CADPS: variants seen among roughly 807,000 people sequenced by gnomAD.
The protein encoded by CADPS is calcium dependent secretion activator.
In CADPS, 57 loss-of-function variants were observed where a neutral mutation model predicts 167.3. The ratio of observed to expected loss-of-function variants is 0.34; its 90% CI spans 0.28 to 0.42. The LOEUF is 0.42. Among genes scored for constraint, CADPS ranks in the 20% least tolerant of loss-of-function variants. The pLI is 1.00. For missense variants in CADPS, 1,414 were observed against 1,738.1 expected (o/e 0.81, Z 3.32); for synonymous variants, 676 against 635.3 (o/e 1.06, Z -0.96).
At chr3:62,593,392 G>T (rs1266691719) in intron 6 of CADPS, among the ~76,000 whole-genome samples, 1 of 152,226 alleles carries the variant, frequency 6.6e-6, no homozygotes, top group Non-Finnish European at 1.5e-5. Flanking sequence ...CCCAAAATCT[G>T]GGTAGAGCAC....
At chr3:62,858,923 T>TA (rs1248536056) in intron 1 of CADPS, among the ~76,000 whole-genome samples, 3 of 152,174 alleles carry the variant, frequency 2.0e-5, no homozygotes, top group African/African-American at 4.8e-5. Flanking sequence ...TTTGGATTTT[T>TA]AAAAAAACTT....
At chr3:62,865,154 TTAAACAACTCTATGCC>T (rs1301399174) in intron 1 of CADPS, among the ~76,000 whole-genome samples, 3 of 152,194 alleles carry the variant, frequency 2.0e-5, no homozygotes, top group Non-Finnish European at 4.4e-5. Context: ...ACTCATTTGC[TTAAACAACTCTATGCC>T]TACCATCCTC....
At chr3:62,830,987 A>C (rs1577020563) in intron 1 of CADPS, among the ~76,000 whole-genome samples, 1 of 152,166 alleles carries the variant, frequency 6.6e-6, no homozygotes, top group Non-Finnish European at 1.5e-5. Flanking sequence ...TGTCAAAATT[A>C]TTCCATTTCC....
Position 62,481,888 on chromosome 3 carries a change from G to A in CADPS, c.3027-19C>T. The stretch of plus-strand genomic sequence containing the variant: ...TAAACTCCTGTGGAAGAAACAGACA[G>A]AAAGAAAAAATACCATCACAGTGAC... On this transcript the variant is annotated intron_variant, in intron 21 of 29. Transcript: ENST00000383710. 1.3e-6 allele frequency: 2 copies of A among 1,597,576 alleles called. No individual in the cohort carries two copies. The highest frequency in any genetic ancestry group is 1.8e-5 in the Admixed American group (1 of 56,144).
At chr3:62,721,340 A>G (rs937545005) in intron 3 of CADPS, among the ~76,000 whole-genome samples, 12 of 151,958 alleles carry the variant, frequency 7.9e-5, no homozygotes, top group Non-Finnish European at 1.3e-4. Flanking sequence ...CCAGGGGGGC[A>G]TTTTAGCCAG....
chr3:62,577,255 C>G (rs908362223), intron 8 of CADPS, among the ~76,000 whole-genome samples: 1 of 152,078 alleles, frequency 6.6e-6, no homozygotes, highest in Non-Finnish European at 1.5e-5. Flanking sequence ...GTGAATTTAA[C>G]GTGAATTAGT....
intron 26 of CADPS, among the ~76,000 whole-genome samples, chr3:62,450,623 T>A (rs1379735250): frequency 6.6e-6 from 1 of 152,164 alleles, no homozygotes; most frequent in Non-Finnish European, 1.5e-5. Context: ...ACTCTCCAGA[T>A]AGAGCCAGTT....
At chr3:62,576,788 T>TTAAAAAAAAA (rs1553936618) in intron 8 of CADPS, among the ~76,000 whole-genome samples, 2 of 29,872 alleles carry the variant, frequency 6.7e-5, no homozygotes, top group African/African-American at 2.4e-4. Context: ...AGACTCTGTC[T>TTAAAAAAAAA]AAAAAAAAAA....
At chr3:62,757,577 T>C (rs2084291023) in intron 2 of CADPS, among the ~76,000 whole-genome samples, 1 of 152,034 alleles carries the variant, frequency 6.6e-6, no homozygotes. Context: ...CAGCACACGG[T>C]ATATTGGTCT....
At chr3:62,794,888 A>C (rs575211747) in intron 1 of CADPS, among the ~76,000 whole-genome samples, 1 of 151,832 alleles carries the variant, frequency 6.6e-6, no homozygotes, top group South Asian at 2.1e-4. Context: ...CTTGTCTTGC[A>C]CATCAGTTTG....
intron 13 of CADPS, among the ~76,000 whole-genome samples, chr3:62,519,969 G>T (rs2070050011): frequency 6.6e-6 from 1 of 152,056 alleles, no homozygotes; most frequent in South Asian, 2.1e-4. Flanking sequence ...GCTTGTTAAT[G>T]AACTGAACAC....
At chr3:62,572,352 C>G (rs925687153) in intron 8 of CADPS, among the ~76,000 whole-genome samples, 1 of 152,104 alleles carries the variant, frequency 6.6e-6, no homozygotes, top group African/African-American at 2.4e-5. Context: ...CCCACTTCCA[C>G]TATTTCAGTC....
At chr3:62,656,202 C>G (rs571787020) in intron 4 of CADPS, among the ~76,000 whole-genome samples, 9 of 152,292 alleles carry the variant, frequency 5.9e-5, no homozygotes, top group African/African-American at 1.9e-4. Context: ...CTTGCAAGCA[C>G]TATGCTCCTA....
chr3:62,667,887 C>T (rs1182755495), intron 3 of CADPS, among the ~76,000 whole-genome samples: 1 of 152,026 alleles, frequency 6.6e-6, no homozygotes, highest in Non-Finnish European at 1.5e-5. Context: ...CCCTGTCTGA[C>T]CTCTAGGGGG....
In CADPS at chr3:62,720,325, G is replaced by C. The variant is rs376259429; in HGVS notation, c.888+33116C>G. Reference sequence around the variant, plus strand: ...GTATCAGGGGGGCATTTTTGCTTTTGTTTGTTTGTTTGTTTGTTTTTTTTT... The same window carrying C: ...GTATCAGGGGGGCATTTTTGCTTTTCTTTGTTTGTTTGTTTGTTTTTTTTT... On this transcript the variant is annotated intron_variant, in intron 3 of 29. Coordinates refer to ENST00000383710, the MANE Select transcript of CADPS (RefSeq NM_003716.4). Among the ~76,000 whole-genome samples, 3 of 143,914 alleles carry C rather than the reference G, an allele frequency of 2.1e-5. No homozygotes were observed. In the East Asian group the frequency reaches 5.8e-4, roughly 28 times the overall value. 94.4% of individuals were successfully genotyped at this position (143,914 alleles called of 152,430 possible).
At chr3:62,849,782 C>A (rs1577294807) in intron 1 of CADPS, among the ~76,000 whole-genome samples, 1 of 137,586 alleles carries the variant, frequency 7.3e-6, no homozygotes, top group African/African-American at 2.8e-5. Flanking sequence ...CAGAATGATG[C>A]TGGCCTCATA....
rs1021710016 is a variant in CADPS at position 62,806,533 on chromosome 3, A to G, written c.442-40549T>C. 3.9e-5 allele frequency among the ~76,000 whole-genome samples: 6 copies of G among 152,280 alleles called. No homozygotes were observed. The East Asian group carries it at 1.2e-3, about 30-fold the overall frequency. On this transcript the variant is annotated intron_variant, in intron 1 of 29. Transcript: ENST00000383710. ...CAACAGAGCAAAACCCTGTCTCCAA[A>G]TAAATAAAAAGAAACAGGGCATTAA...
At chr3:62,831,610 TAG>T (rs1364161611) in intron 1 of CADPS, among the ~76,000 whole-genome samples, 2 of 152,190 alleles carry the variant, frequency 1.3e-5, no homozygotes, top group African/African-American at 4.8e-5. Context: ...AAAAATTAAA[TAG>T]AGTCACAGAT....
intron 6 of CADPS, among the ~76,000 whole-genome samples, chr3:62,610,453 G>C (rs2061353014): frequency 6.6e-6 from 1 of 152,096 alleles, no homozygotes; most frequent in African/African-American, 2.4e-5. Context: ...GTTTCACCGG[G>C]TTGGCCAGGC....
Sources: allele counts gnomAD v4.1 joint callset (sites outside exome capture counted in the v4.1 genomes callset), GRCh38; gene constraint gnomAD v4.1.1; transcripts MANE v1.5; gene names NCBI Gene and HGNC (gene_info 2026-07-23, HGNC 2026-07-21).